SHQ1: variants seen among roughly 807,000 people sequenced by gnomAD.
The protein encoded by SHQ1 is protein SHQ1 homolog.
A neutral mutation model predicts 53.8 loss-of-function variants in SHQ1; 49 were observed. The observed-to-expected ratio is 0.91, with a 90% confidence interval of 0.72 to 1.16. SHQ1 has a LOEUF of 1.16. Ranked by LOEUF, SHQ1 falls within the 50% of genes most tolerant of loss-of-function variation. The pLI, the probability that SHQ1 is intolerant of heterozygous loss-of-function variation, is 0.00. For missense variants in SHQ1, 738 were observed against 683.1 expected (o/e 1.08, Z -0.90); for synonymous variants, 243 against 251.0 (o/e 0.97, Z 0.30).
At chr3:72,774,571 A>G (rs572567957) in intron 10 of SHQ1, among the ~76,000 whole-genome samples, 1 of 152,330 alleles carries the variant, frequency 6.6e-6, no homozygotes, top group South Asian at 2.1e-4. Flanking sequence ...AATATTTCCA[A>G]AATTTCATGA....
chr3:72,845,004 T>C (rs1410185095), intron 1 of SHQ1, among the ~76,000 whole-genome samples: 1 of 152,040 alleles, frequency 6.6e-6, no homozygotes, highest in Non-Finnish European at 1.5e-5. Context: ...CTCTAGAAAA[T>C]CTGAAATTTC....
At chr3:72,847,622 A>G (rs2106991372) in intron 1 of SHQ1, among the ~76,000 whole-genome samples, 1 of 152,164 alleles carries the variant, frequency 6.6e-6, no homozygotes, top group East Asian at 1.9e-4. Flanking sequence ...GGAAACAACC[A>G]CACTTCAGGG....
At chr3:72,730,004 G>T in the SHQ1 span, among the ~76,000 whole-genome samples, 2 of 152,068 alleles carry the variant, frequency 1.3e-5, no homozygotes, top group East Asian at 3.9e-4. Flanking sequence ...ATTTTTAGTA[G>T]AGACGGGGTT....
chr3:72,727,126 G>C, the SHQ1 span, among the ~76,000 whole-genome samples: 1 of 152,152 alleles, frequency 6.6e-6, no homozygotes. Flanking sequence ...TGGAACCAGG[G>C]GGTCCACGAA....
At chr3:72,807,720 A>G (rs1001597013) in intron 9 of SHQ1, among the ~76,000 whole-genome samples, 3 of 152,204 alleles carry the variant, frequency 2.0e-5, no homozygotes, top group African/African-American at 7.2e-5. Context: ...TTAAACATCC[A>G]TTATTCTTTT....
intron 4 of SHQ1, 77 bp from the exon 5 acceptor site, chr3:72,832,558 G>T (rs1387301357): frequency 3.0e-6 from 3 of 996,838 alleles, no homozygotes; most frequent in Non-Finnish European, 3.1e-6. Flanking sequence ...TATACAAAAT[G>T]CCAAAGCACA....
chr3:72,765,572 T>TTC, intron 10 of SHQ1, among the ~76,000 whole-genome samples: 2 of 131,300 alleles, frequency 1.5e-5, no homozygotes, highest in East Asian at 2.3e-4. Flanking sequence ...TTTTTTTTTT[T>TTC]TGAGACAGTC....
chr3:72,805,767 T>G (rs1706922556), intron 9 of SHQ1, among the ~76,000 whole-genome samples: 1 of 152,186 alleles, frequency 6.6e-6, no homozygotes, highest in South Asian at 2.1e-4. Context: ...CATTTTAAAA[T>G]ATTTTAAGTG....
At chr3:72,790,529 T>A (rs1388498523) in intron 10 of SHQ1, among the ~76,000 whole-genome samples, 1 of 152,016 alleles carries the variant, frequency 6.6e-6, no homozygotes, top group African/African-American at 2.4e-5. Context: ...AAACTATATG[T>A]AGAAGAAATA....
intron 10 of SHQ1, among the ~76,000 whole-genome samples, chr3:72,784,804 C>G (rs1221418717): frequency 6.6e-6 from 1 of 152,198 alleles, no homozygotes; most frequent in African/African-American, 2.4e-5. Flanking sequence ...CCCAAAATCA[C>G]CTTCCACTCT....
intron 3 of SHQ1, 91 bp from the exon 4 acceptor site, chr3:72,841,290 G>T: frequency 1.1e-6 from 1 of 943,294 alleles, no homozygotes; most frequent in Non-Finnish European, 1.5e-6. Context: ...CCACAAAGAT[G>T]TACCAAAAGA....
At chr3:72,750,961 C>A in intron 10 of SHQ1, 125 bp from the exon 11 acceptor site, 1 of 663,080 alleles carries the variant, frequency 1.5e-6, no homozygotes, top group Non-Finnish European at 2.4e-6. Context: ...GGATATATAT[C>A]ATAACAGATC....
At chr3:72,752,550 CAG>C (rs1326657890) in intron 10 of SHQ1, among the ~76,000 whole-genome samples, 5 of 151,110 alleles carry the variant, frequency 3.3e-5, no homozygotes, top group Admixed American at 2.6e-4. Flanking sequence ...TTTTTTGAGA[CAG>C]AGTCTCACTG....
chr3:72,750,805 A>C lies in SHQ1; in HGVS notation c.1213T>G (p.Leu405Val). The change falls in exon 11 of 11, where the codon TTA becomes GTA. Residue 405 changes from leucine to valine, a missense_variant. By Grantham distance (32) the Leu-to-Val change is conservative. Coordinates refer to ENST00000325599, the MANE Select transcript of SHQ1 (RefSeq NM_018130.3). ...SKKLAALAEA[L>V]KEVSLTKAQL... is the part of the protein sequence containing the mutation. The stretch of plus-strand genomic sequence containing the variant: ...GCCTTTGTAAGGGAGACTTCCTTTA[A>C]GGCTTCTGCAAGAGCTGCCAACTTT... 16 of 1,530,940 alleles carry C rather than the reference A, an allele frequency of 1.0e-5. No homozygotes were observed. Among genetic ancestry groups the C allele is most frequent in the Non-Finnish European group, 1.4e-5 (16 of 1,138,520 alleles). 94.8% of individuals were successfully genotyped at this position (1,530,940 alleles called of 1,614,324 possible).
intron 10 of SHQ1, among the ~76,000 whole-genome samples, chr3:72,767,802 T>A (rs377418091): frequency 2.2e-4 from 34 of 152,338 alleles, no homozygotes; most frequent in Middle Eastern, 3.4e-3. Flanking sequence ...TACAACTTAA[T>A]CCTCCATGGT....
chr3:72,830,123 A>C (rs377760215), intron 5 of SHQ1, among the ~76,000 whole-genome samples: 2 of 152,054 alleles, frequency 1.3e-5, no homozygotes, highest in Non-Finnish European at 2.9e-5. Flanking sequence ...AAAAAAAAAA[A>C]AACAGATTAT....
chr3:72,761,833 T>C (rs143348691), intron 10 of SHQ1, among the ~76,000 whole-genome samples: 7 of 152,366 alleles, frequency 4.6e-5, no homozygotes, highest in Admixed American at 3.9e-4. Context: ...TCTTACTTTT[T>C]ATGTTAATTA....
the SHQ1 span, among the ~76,000 whole-genome samples, chr3:72,741,732 G>A: frequency 1.3e-5 from 2 of 152,040 alleles, no homozygotes; most frequent in Non-Finnish European, 2.9e-5. Flanking sequence ...TAATTCAAGG[G>A]GATGCAGTTG....
intron 9 of SHQ1, among the ~76,000 whole-genome samples, chr3:72,800,322 G>A (rs148517260): frequency 9.2e-5 from 14 of 152,258 alleles, no homozygotes; most frequent in African/African-American, 1.4e-4. Context: ...CGAAACAGAC[G>A]TTAAGTAATT....
Sources: gnomAD v4.1 joint callset for allele counts (sites outside exome capture counted in the v4.1 genomes callset) on GRCh38, gnomAD v4.1.1 for gene constraint, MANE v1.5 for transcripts, NCBI Gene and HGNC (gene_info 2026-07-23, HGNC 2026-07-21) for gene names.